Variants in ZNF215 observed in about 807,000 individuals in gnomAD.
The protein encoded by ZNF215 is zinc finger protein 215, also known as BWSCR2-associated zinc finger protein 2.
Under a neutral mutation model 27.2 loss-of-function variants are expected in ZNF215, and 24 were observed. The observed-to-expected ratio is 0.88, with a 90% CI of 0.64 to 1.24. The LOEUF (loss-of-function observed/expected upper bound fraction) is 1.24, where lower values mean the gene tolerates loss of function less well. ZNF215 is among the 50% of genes most tolerant of loss of function. ZNF215 has a pLI of 0.00. For missense variants in ZNF215, 675 were observed against 605.7 expected (o/e 1.11, Z -1.20); for synonymous variants, 210 against 204.0 (o/e 1.03, Z -0.25).
Position 6,957,659 on chromosome 11 carries a change from T to C in ZNF215, c.*1128T>C, listed in dbSNP as rs2133308129. 2.8e-6 allele frequency: 2 copies of C among 724,822 alleles called. No homozygotes were observed. Among genetic ancestry groups the C allele is most frequent in the South Asian group, 6.2e-5 (1 of 16,008 alleles). 44.9% of individuals were successfully genotyped at this position (724,822 alleles called of 1,614,324 possible). ...ACTCTTGTTTGTATCCATTAGTCTA[T>C]GGTAAAATTGGTTTTGTTATACATC... is the stretch of plus-strand genomic sequence containing the variant. On this transcript the variant is annotated 3_prime_UTR_variant, in exon 7 of 7. Transcript: ENST00000278319.
intron 2 of ZNF215, among the ~76,000 whole-genome samples, chr11:6,931,700 G>C (rs1849271072): frequency 6.6e-6 from 1 of 151,984 alleles, no homozygotes; most frequent in Non-Finnish European, 1.5e-5. Context: ...GAATTTTATT[G>C]GCATTTTAAA....
downstream of ZNF215, among the ~76,000 whole-genome samples, chr11:6,991,240 C>A (rs150448655): frequency 6.6e-6 from 1 of 152,184 alleles, no homozygotes; most frequent in Non-Finnish European, 1.5e-5. Flanking sequence ...GCCTGCGTTT[C>A]TTCATGGTCA....
intron 3 of ZNF215, 87 bp downstream of exon 3, chr11:6,932,759 A>G (rs1849311032): frequency 1.5e-6 from 2 of 1,312,158 alleles, no homozygotes; most frequent in Non-Finnish European, 2.1e-6. Context: ...GAGAGTATCA[A>G]GTGCCAGATC....
intron 5 of ZNF215, among the ~76,000 whole-genome samples, chr11:6,966,428 C>T (rs747241798): frequency 5.9e-5 from 9 of 151,800 alleles, no homozygotes; most frequent in Non-Finnish European, 1.0e-4. Context: ...ACCCTAGTAA[C>T]ACACAATTTA....
intron 1 of ZNF215, among the ~76,000 whole-genome samples, chr11:6,927,272 A>C (rs1849085582): frequency 6.6e-6 from 1 of 152,198 alleles, no homozygotes; most frequent in Non-Finnish European, 1.5e-5. Flanking sequence ...TTATTTTAAA[A>C]TAATTCTTTC....
At chr11:6,963,311 A>C (rs1217380515) in intron 5 of ZNF215, among the ~76,000 whole-genome samples, 1 of 151,998 alleles carries the variant, frequency 6.6e-6, no homozygotes, top group Non-Finnish European at 1.5e-5. Context: ...GGTTTCATAG[A>C]GTATACAGGT....
Position 6,932,397 on chromosome 11 carries a change from A to G in ZNF215, c.125A>G (p.His42Arg). 1 of 1,614,192 alleles carries G rather than the reference A, an allele frequency of 6.2e-7. No homozygotes were observed. ...GAAACCAACCCCGTCGTGGAGACAC[A>G]TGACTCTGAGGCATCTCGTCAAAAG... is the stretch of plus-strand genomic sequence containing the variant. ...QQETNPVVET[H>R]DSEASRQKFR... Residue 42 changes from histidine (H) to arginine (R), a missense_variant, in exon 3 of 7, where the codon CAT becomes CGT. Coordinates refer to ENST00000278319, the MANE Select transcript of ZNF215 (RefSeq NM_013250.4).
At chr11:6,960,335 T>C (rs997435723), downstream of ZNF215, among the ~76,000 whole-genome samples, 1 of 152,006 alleles carries the variant, frequency 6.6e-6, no homozygotes, top group African/African-American at 2.4e-5. Flanking sequence ...CACAAGACCA[T>C]ATGAGCTCCA....
intron 6 of ZNF215, among the ~76,000 whole-genome samples, chr11:6,948,896 C>T (rs1266128989): frequency 2.0e-5 from 2 of 101,066 alleles, no homozygotes; most frequent in African/African-American, 7.7e-5. Flanking sequence ...CTATCCCTCC[C>T]CCCTCCCCCC....
chr11:6,931,289 A>G (rs1187175230), intron 2 of ZNF215, among the ~76,000 whole-genome samples: 1 of 152,230 alleles, frequency 6.6e-6, no homozygotes, highest in Non-Finnish European at 1.5e-5. Context: ...TATGAGAGAT[A>G]CTGGCTCCTG....
intron 5 of ZNF215, among the ~76,000 whole-genome samples, chr11:6,968,588 G>A (rs1357266694): frequency 6.7e-6 from 1 of 149,536 alleles, no homozygotes; most frequent in Non-Finnish European, 1.5e-5. Flanking sequence ...ATTTAAGCCT[G>A]GGCACAGTGG....
chr11:6,986,839 T>TCAAAAA (rs111675108), downstream of ZNF215, among the ~76,000 whole-genome samples: 2 of 151,418 alleles, frequency 1.3e-5, no homozygotes, highest in African/African-American at 2.4e-5. Context: ...TGTTAAAAAG[T>TCAAAAA]CAAAAACAAA....
chr11:6,975,227 C>T (rs946847427), intron 5 of ZNF215, among the ~76,000 whole-genome samples: 2 of 152,064 alleles, frequency 1.3e-5, no homozygotes, highest in African/African-American at 4.8e-5. Flanking sequence ...ACCAGCCTTG[C>T]TTCCCAGGGA....
At chr11:6,944,191 G>C (rs997006505) in intron 6 of ZNF215, among the ~76,000 whole-genome samples, 3 of 152,170 alleles carry the variant, frequency 2.0e-5, no homozygotes, top group Admixed American at 6.5e-5. Flanking sequence ...CAGGAGAATG[G>C]CGTGAACCCG....
rs1324750988 is a variant in ZNF215, at chr11:6,943,218, GGT to G, written c.616+4_616+5del. The G allele has an allele frequency of 3.7e-6, 6 of 1,609,364 alleles. No homozygotes were observed. Among genetic ancestry groups the G allele is most frequent in the Non-Finnish European group, 3.4e-6 (4 of 1,178,372 alleles). ...GAACCTGAATTCATTGCGTAAAGGTGGTTTCTATATGTTTACCTAATCTGTCC... is the reference window on the plus strand; with the variant it reads ...GAACCTGAATTCATTGCGTAAAGGTGTTCTATATGTTTACCTAATCTGTCC... On this transcript the variant is annotated splice_donor_5th_base_variant and intron_variant, in intron 5 of 6. Coordinates refer to ENST00000278319, the MANE Select transcript of ZNF215 (RefSeq NM_013250.4).
chr11:6,987,237 C>T (rs1479659023), downstream of ZNF215, among the ~76,000 whole-genome samples: 7 of 152,058 alleles, frequency 4.6e-5, no homozygotes, highest in South Asian at 4.2e-4. Flanking sequence ...ATGATACAGC[C>T]GGAAACCATT....
chr11:6,963,692 T>C (rs953584546), intron 5 of ZNF215, among the ~76,000 whole-genome samples: 1 of 152,104 alleles, frequency 6.6e-6, no homozygotes, highest in Non-Finnish European at 1.5e-5. Flanking sequence ...TATGTTTATC[T>C]TGATAAGAAA....
chr11:6,943,006 T>C (rs1849681771), intron 4 of ZNF215, 77 bp from the exon 5 acceptor site: 1 of 1,553,444 alleles, frequency 6.4e-7, no homozygotes, highest in African/African-American at 1.4e-5. Flanking sequence ...TCCTACCCTA[T>C]TCCTTCAAAT....
intron 5 of ZNF215, among the ~76,000 whole-genome samples, chr11:6,966,538 A>G (rs1179527607): frequency 6.6e-6 from 1 of 152,184 alleles, no homozygotes; most frequent in Non-Finnish European, 1.5e-5. Context: ...TGTGGAATCT[A>G]TAGGCATAAT....
Sources: allele counts gnomAD v4.1 joint callset (sites outside exome capture counted in the v4.1 genomes callset), GRCh38; gene constraint gnomAD v4.1.1; transcripts MANE v1.5; gene names NCBI Gene and HGNC (gene_info 2026-07-23, HGNC 2026-07-21).